Variants in TRMT61B observed in about 807,000 individuals in gnomAD.
TRMT61B encodes tRNA (adenine(58)-N(1))-methyltransferase, mitochondrial.
TRMT61B carries 56 observed loss-of-function variants against 52.0 expected under a neutral mutation model. That is an observed-to-expected ratio of 1.08 (90% CI 0.87 to 1.35). TRMT61B has a LOEUF of 1.35. Among genes scored for constraint, TRMT61B ranks in the 40% most tolerant of loss-of-function variants. The pLI is 0.00. For synonymous variants in TRMT61B, 206 were observed against 220.0 expected, an observed-to-expected ratio of 0.94 and a Z score of 0.56; for missense variants, 650 against 577.9, an observed-to-expected ratio of 1.12 and a Z score of -1.28.
intron 3 of TRMT61B, among the ~76,000 whole-genome samples, chr2:28,854,738 CAAAAAAAAAAAAAAAAAA>C (rs57513823): frequency 1.3e-4 from 11 of 86,402 alleles, no homozygotes; most frequent in Admixed American, 1.6e-4. Flanking sequence ...GACTCCGTCT[CAAAAAAAAAAAAAAAAAA>C]AAAAAAAAAA....
chr2:28,865,108 C>T lies in TRMT61B; in HGVS notation c.711G>A (p.Met237Ile). Reference protein sequence around the residue: ...TAITFPKDINMILSMMDINPG... With the variant: ...TAITFPKDINIILSMMDINPG... ...GGTTGATATCCATCATTGAGAGAATCATATTAATATCCTATGATTGAAAAC... is the reference window on the plus strand; with the variant it reads ...GGTTGATATCCATCATTGAGAGAATTATATTAATATCCTATGATTGAAAAC... Residue 237 changes from methionine (M) to isoleucine (I), a missense_variant, in exon 2 of 7, where the codon ATG (methionine) becomes ATA (isoleucine). Transcript: ENST00000306108. 2.5e-6 allele frequency: 4 copies of T among 1,599,428 alleles called. No homozygotes were observed. Among genetic ancestry groups the T allele is most frequent in the Non-Finnish European group, 3.4e-6 (4 of 1,167,036 alleles).
chr2:28,866,555 G>C (rs1323748023), intron 1 of TRMT61B, among the ~76,000 whole-genome samples: 1 of 152,164 alleles, frequency 6.6e-6, no homozygotes, highest in East Asian at 1.9e-4. Flanking sequence ...TCTGACAAGA[G>C]ATGGAGCTCA....
At position 28,850,014 on chromosome 2, in the gene TRMT61B, T is replaced by C. The variant is rs1669004207; in HGVS notation, c.*185A>G. The C allele has an allele frequency of 7.6e-7, 1 of 1,317,838 alleles. No individual in the cohort carries two copies. The highest frequency in any genetic ancestry group is 1.1e-6 in the Non-Finnish European group (1 of 934,380). The allele number at this position is 1,317,838 out of a possible 1,614,324, so 81.6% of individuals were successfully genotyped here. On this transcript the variant is annotated 3_prime_UTR_variant, in exon 7 of 7. Transcript: ENST00000306108. ...ACTAACTGCAAGACAAGTGTCAAAA[T>C]GGGATGTTTAAGCAGTTTTGCTATG...
chr2:28,870,077 G>A lies in TRMT61B; in HGVS notation c.201C>T (p.Cys67=), dbSNP rs749777899. 49 of 1,613,766 alleles carry A rather than the reference G, an allele frequency of 3.0e-5. No individual in the cohort carries two copies. The highest frequency in any genetic ancestry group is 1.0e-4 in the Admixed American group (6 of 59,974). ...AQRKAPGAES[C]PSLPLSISDI... is the part of the protein sequence containing the mutation. ...CCGAGATGCTCAGAGGGAGAGATGGGCAAGACTCTGCTCCTGGGGCTTTCC... is the reference window on the plus strand; with the variant it reads ...CCGAGATGCTCAGAGGGAGAGATGGACAAGACTCTGCTCCTGGGGCTTTCC... Residue 67 remains cysteine, a synonymous_variant, in exon 1 of 7, where the codon TGC becomes TGT. Transcript: ENST00000306108.
chr2:28,850,468 CTG>C (rs1669034424), intron 5 of TRMT61B, 63 bp from the exon 6 acceptor site: 2 of 1,128,996 alleles, frequency 1.8e-6, no homozygotes, highest in Non-Finnish European at 1.3e-6. Context: ...TTTCACAAAA[CTG>C]TTAAAATATG....
chr2:28,851,431 TAGG>T (rs1669093354), intron 4 of TRMT61B, 133 bp from the exon 5 acceptor site: 1 of 579,228 alleles, frequency 1.7e-6, no homozygotes. Flanking sequence ...ATATGCAAGT[TAGG>T]AGGCATAAAA....
intron 3 of TRMT61B, among the ~76,000 whole-genome samples, chr2:28,856,339 T>C (rs1011190502): frequency 4.6e-5 from 7 of 152,176 alleles, no homozygotes; most frequent in Non-Finnish European, 1.0e-4. Flanking sequence ...TTGACTTAGG[T>C]CAACACCTCA....
intron 3 of TRMT61B, among the ~76,000 whole-genome samples, chr2:28,858,186 A>C (rs936167992): frequency 5.3e-5 from 8 of 151,630 alleles, no homozygotes; most frequent in African/African-American, 1.9e-4. Flanking sequence ...GACTACAGGC[A>C]CCCGCCACCA....
At chr2:28,852,848 A>G (rs1572531709) in intron 3 of TRMT61B, among the ~76,000 whole-genome samples, 1 of 151,960 alleles carries the variant, frequency 6.6e-6, no homozygotes. Flanking sequence ...AGTACCAGCT[A>G]TTCAGGAAGC....
rs755803106 is a variant in TRMT61B at position 28,849,880 on chromosome 2, A to G, written c.*319T>C. ...AATGACCATCAATCAAATAAAGGAA[A>G]GAAAACTAATTTCTTGAAGAAAGAC... On this transcript the variant is annotated 3_prime_UTR_variant, in exon 7 of 7. Coordinates refer to ENST00000306108, the MANE Select transcript of TRMT61B (RefSeq NM_017910.4). 1 of 1,588,708 alleles carries G rather than the reference A, an allele frequency of 6.3e-7. No homozygotes were observed. Among genetic ancestry groups the G allele is most frequent in the South Asian group, 1.2e-5 (1 of 85,706 alleles).
intron 1 of TRMT61B, among the ~76,000 whole-genome samples, chr2:28,868,842 G>A (rs1669958964): frequency 1.3e-5 from 2 of 152,130 alleles, no homozygotes; most frequent in South Asian, 2.1e-4. Context: ...GCGAAACCCC[G>A]TCTCTACAAA....
intron 4 of TRMT61B, among the ~76,000 whole-genome samples, chr2:28,851,678 C>T (rs919006786): frequency 6.6e-6 from 1 of 151,480 alleles, no homozygotes; most frequent in African/African-American, 2.4e-5. Context: ...TCAGGAGTTC[C>T]AGACCAGCCT....
Position 28,849,901 on chromosome 2 carries a change from A to C in TRMT61B, c.*298T>G. On this transcript the variant is annotated 3_prime_UTR_variant, in exon 7 of 7. Transcript: ENST00000306108. ...GGAAAGAAAACTAATTTCTTGAAGA[A>C]AGACAAATCTATGGAGTGGTTTACA... The C allele has an allele frequency of 6.3e-7, 1 of 1,594,976 alleles. No individual in the cohort carries two copies. The highest frequency in any genetic ancestry group is 8.5e-7 in the Non-Finnish European group (1 of 1,174,976).
At chr2:28,863,325 G>C (rs1259910174) in intron 2 of TRMT61B, among the ~76,000 whole-genome samples, 2 of 151,518 alleles carry the variant, frequency 1.3e-5, no homozygotes, top group Admixed American at 1.3e-4. Flanking sequence ...CACCTACTTG[G>C]GAGGCTGGGA....
Position 28,861,202 on chromosome 2 carries a change from T to C in TRMT61B, c.909A>G (p.Val303=). 2 of 1,613,992 alleles carry C rather than the reference T, an allele frequency of 1.2e-6. No homozygotes were observed. The highest frequency in any genetic ancestry group is 1.7e-6 in the Non-Finnish European group (2 of 1,179,966). ...AATCCACATTGTCTGGCCACTCTTCTACATGACTTAATTTCCATGAATCAC... is the reference window on the plus strand; with the variant it reads ...AATCCACATTGTCTGGCCACTCTTCCACATGACTTAATTTCCATGAATCAC... The part of the protein sequence containing the change: ...HWRDSWKLSH[V]EEWPDNVDFI... The change falls in exon 3 of 7, where the codon GTA becomes GTG. Residue 303 remains valine, a synonymous_variant. Transcript: ENST00000306108.
intron 1 of TRMT61B, 93 bp from the exon 2 acceptor site, chr2:28,865,212 G>A: frequency 1.5e-6 from 1 of 689,166 alleles, no homozygotes; most frequent in Non-Finnish European, 2.5e-6. Context: ...GCAGAAGAAG[G>A]GAGTGAAAAA....
chr2:28,855,763 G>A (rs1669315673), intron 3 of TRMT61B, among the ~76,000 whole-genome samples: 1 of 152,164 alleles, frequency 6.6e-6, no homozygotes, highest in African/African-American at 2.4e-5. Context: ...TAGGTGAGGA[G>A]TTCGAGGCCA....
chr2:28,855,777 T>G (rs938930543), intron 3 of TRMT61B, among the ~76,000 whole-genome samples: 1 of 152,182 alleles, frequency 6.6e-6, no homozygotes, highest in Non-Finnish European at 1.5e-5. Flanking sequence ...GAGGCCAACC[T>G]GGCCAACATG....
intron 1 of TRMT61B, 79 bp from the exon 2 acceptor site, chr2:28,865,198 G>T: frequency 2.6e-6 from 2 of 780,398 alleles, no homozygotes; most frequent in South Asian, 1.6e-5. Context: ...ACATTGTTGG[G>T]TGTGCAGAAG....
Sources: gnomAD v4.1 joint callset for allele counts (sites outside exome capture counted in the v4.1 genomes callset) on GRCh38, gnomAD v4.1.1 for gene constraint, MANE v1.5 for transcripts, NCBI Gene and HGNC (gene_info 2026-07-23, HGNC 2026-07-21) for gene names.